The following MMP19 variants were observed in gnomAD, a reference collection of about 807,000 sequenced individuals.
MMP19 encodes matrix metallopeptidase 19, also known as matrix metalloproteinase-19.
A neutral mutation model predicts 46.6 loss-of-function variants in MMP19; 47 were observed. That is an observed-to-expected ratio of 1.01 (90% CI 0.80 to 1.29). The LOEUF (loss-of-function observed/expected upper bound fraction) is 1.29. MMP19 is among the 50% of genes most tolerant of loss of function. The probability of loss-of-function intolerance (pLI) is 0.00; values close to 1 mark genes in which losing one functional copy is unlikely to be tolerated. For missense variants in MMP19, 589 were observed against 643.5 expected, an observed-to-expected ratio of 0.92 and a Z score of 0.92; for synonymous variants, 222 against 248.5, an observed-to-expected ratio of 0.89 and a Z score of 1.00.
Position 55,837,074 on chromosome 12 carries a change from T to A in MMP19, c.1489A>T (p.Thr497Ser), listed in dbSNP as rs748472930. Residue 497 changes from threonine (T) to serine (S), a missense_variant, in exon 9 of 9, where the codon ACC becomes TCC. Physicochemically the swap from Thr to Ser is moderately conservative, Grantham distance 58. Transcript: ENST00000322569. Reference protein sequence around the residue: ...TPSGTGITLDTTLSATETTFE... With the variant: ...TPSGTGITLDSTLSATETTFE... Reference sequence around the variant, plus strand: ...GTGGTTTCTGTGGCTGAGAGAGTGGTATCCAAGGTTATGCCCGTACCTGAG... The same window carrying A: ...GTGGTTTCTGTGGCTGAGAGAGTGGAATCCAAGGTTATGCCCGTACCTGAG... 6.3e-7 allele frequency: 1 copy of A among 1,590,024 alleles called. No homozygotes were observed. Among genetic ancestry groups the A allele is most frequent in the Admixed American group, 1.7e-5 (1 of 58,228 alleles).
chr12:55,835,445 C>T lies in MMP19; in HGVS notation c.*1591G>A, dbSNP rs1448671594. The T allele has an allele frequency of 6.6e-6, 1 of 152,234 alleles. No individual in the cohort carries two copies. Among genetic ancestry groups the T allele is most frequent in the Admixed American group, 6.5e-5 (1 of 15,270 alleles). 9.4% of individuals were successfully genotyped at this position (152,234 alleles called of 1,614,324 possible). A position where few individuals can be genotyped will look rare whatever the true frequency, so the allele number is the denominator to read the frequency against. On this transcript the variant is annotated 3_prime_UTR_variant, in exon 9 of 9. Transcript: ENST00000322569. ...CACACACAGCTAATTTTTATGTATT[C>T]GTTTTTATTTTTTTGCAGAGACAGG...
rs780871824 is a variant in MMP19 at position 55,842,336 on chromosome 12, AC to A, written c.173+16del. ...TGAGACCTTAGCCCTAAAGGCATACACCTCATAGCTTCTCACCTCAGAGCCT... is the reference window on the plus strand; with the variant it reads ...TGAGACCTTAGCCCTAAAGGCATACACTCATAGCTTCTCACCTCAGAGCCT... On this transcript the variant is annotated intron_variant, in intron 2 of 8. Coordinates refer to ENST00000322569, the MANE Select transcript of MMP19 (RefSeq NM_002429.6). 1.0e-5 allele frequency: 16 copies of A among 1,604,218 alleles called. No individual in the cohort carries two copies. Among genetic ancestry groups the A allele is most frequent in the Non-Finnish European group, 1.2e-5 (14 of 1,171,132 alleles).
chr12:55,839,742 C>T lies in MMP19; in HGVS notation c.521-1G>A, dbSNP rs755576372. 1 of 1,608,850 alleles carries T rather than the reference C, an allele frequency of 6.2e-7. No homozygotes were observed. ...ATGTCGGCATGGGCCAGGACTCTCCCTGGACAAAGGCAAAGGTGAACAGGA... is the reference window on the plus strand; with the variant it reads ...ATGTCGGCATGGGCCAGGACTCTCCTTGGACAAAGGCAAAGGTGAACAGGA... On this transcript the variant is annotated splice_acceptor_variant, in intron 4 of 8. Coordinates refer to ENST00000322569, the MANE Select transcript of MMP19 (RefSeq NM_002429.6). LOFTEE classifies it high-confidence loss of function.
rs1881246802 is a variant in MMP19 at position 55,836,852 on chromosome 12, G to A, written c.*184C>T. On this transcript the variant is annotated 3_prime_UTR_variant, in exon 9 of 9. Coordinates refer to ENST00000322569, the MANE Select transcript of MMP19 (RefSeq NM_002429.6). ...GAAAATGCACAGGAAAGTGGTGGCT[G>A]GAGTTGGAAGTGTTAGAGGCCTGAG... The A allele has an allele frequency of 1.9e-6, 1 of 536,834 alleles. No individual in the cohort carries two copies. The highest frequency in any genetic ancestry group is 1.9e-5 in the African/African-American group (1 of 52,034). The allele number at this position is 536,834 out of a possible 1,614,324, so 33.3% of individuals were successfully genotyped here.
intron 1 of MMP19, 31 bp downstream of exon 1, chr12:55,842,713 C>T: frequency 1.3e-6 from 2 of 1,556,362 alleles, no homozygotes; most frequent in Non-Finnish European, 1.8e-6. Context: ...TGTCCCTCCG[C>T]TGGCCCAGGT....
In MMP19 at chr12:55,838,397, A is replaced by T. The variant is rs145561507; in HGVS notation, c.895+209T>A. The T allele has an allele frequency of 3.7e-5, 41 of 1,104,388 alleles. No homozygotes were observed. In the African/African-American group the frequency reaches 5.8e-4, roughly 16 times the overall value. 68.4% of individuals were successfully genotyped at this position (1,104,388 alleles called of 1,614,324 possible). A position where few individuals can be genotyped will look rare whatever the true frequency, so the allele number is the denominator to read the frequency against. ...GTTCTAGTGGCCCTTAGAGCGTGGC[A>T]GCCTTGGTAAGTGCCTGCCTAAGCC... On this transcript the variant is annotated intron_variant, in intron 6 of 8. Transcript: ENST00000322569.
Position 55,840,695 on chromosome 12 carries a change from C to A in MMP19, c.492G>T (p.Ser164=), listed in dbSNP as rs375168504. 6.2e-7 allele frequency: 1 copy of A among 1,613,760 alleles called. No individual in the cohort carries two copies. Among genetic ancestry groups the A allele is most frequent in the Non-Finnish European group, 8.5e-7 (1 of 1,179,954 alleles). Residue 164 remains serine, a synonymous_variant, in exon 4 of 9, where the codon TCG becomes TCT. Transcript: ENST00000322569. ...GCCCATCAAAAGTATTGGAACAGTACGAGCTTTGGCGGCCATGGAAGGAGA... is the reference window on the plus strand; with the variant it reads ...GCCCATCAAAAGTATTGGAACAGTAAGAGCTTTGGCGGCCATGGAAGGAGA... ...IRLSFHGRQS[S]YCSNTFDGPG...
At chr12:55,840,156 T>G (rs1268520143) in intron 4 of MMP19, 3 of 199,784 alleles carry the variant, frequency 1.5e-5, no homozygotes, top group Non-Finnish European at 3.1e-5. Flanking sequence ...CAAAACTTCA[T>G]CTCTACAAAA....
Position 55,839,567 on chromosome 12 carries a change from G to A in MMP19, c.695C>T (p.Pro232Leu), listed in dbSNP as rs943823010. 2.2e-5 allele frequency: 35 copies of A among 1,614,086 alleles called. No homozygotes were observed. The highest frequency in any genetic ancestry group is 2.9e-5 in the Non-Finnish European group (34 of 1,180,036). ...GTGGGGCCGGTAGCCCTCGTAGACT[G>A]GGGCCATGAGGGCCTGGGAATATCG... is the stretch of plus-strand genomic sequence containing the variant. ...HSRYSQALMA[P>L]VYEGYRPHFK... Residue 232 changes from proline (P) to leucine (L), a missense_variant, in exon 5 of 9, where the codon CCA becomes CTA. Transcript: ENST00000322569.
At position 55,837,757 on chromosome 12, in the gene MMP19, T is replaced by C; in HGVS notation, c.1061-75A>G. ...CTTTTGGTCTCCTCCGGTCCACCTA[T>C]TCAGAAACTTCTCATCTCCCTCCCT... On this transcript the variant is annotated intron_variant, in intron 7 of 8. Coordinates refer to ENST00000322569, the MANE Select transcript of MMP19 (RefSeq NM_002429.6). 3.1e-6 allele frequency: 5 copies of C among 1,602,052 alleles called. No homozygotes were observed. In the East Asian group the frequency reaches 6.7e-5, roughly 22 times the overall value.
Position 55,842,382 on chromosome 12 carries a change from G to T in MMP19, c.144C>A (p.Phe48Leu), listed in dbSNP as rs966086519. The T allele has an allele frequency of 5.6e-6, 9 of 1,613,818 alleles. No homozygotes were observed. In the African/African-American group the frequency reaches 1.2e-4, roughly 22 times the overall value. Reference protein sequence around the residue: ...LQKPLEGSNNFKPEDITEALR... With the variant: ...LQKPLEGSNNLKPEDITEALR... ...GAGCCTCGGTGATATCTTCTGGCTT[G>T]AAGTTATTAGATCCTTCTAGAGGCT... The change falls in exon 2 of 9, where the codon TTC (phenylalanine) becomes TTA (leucine). Residue 48 changes from phenylalanine to leucine, a missense_variant. Coordinates refer to ENST00000322569, the MANE Select transcript of MMP19 (RefSeq NM_002429.6).
chr12:55,842,767 C>A lies in MMP19; in HGVS notation c.64G>T (p.Gly22Trp). The A allele has an allele frequency of 6.2e-7, 1 of 1,607,080 alleles. No homozygotes were observed. The highest frequency in any genetic ancestry group is 2.2e-5 in the East Asian group (1 of 44,482). Residue 22 changes from glycine to tryptophan, a missense_variant, in exon 1 of 9, where the codon GGG becomes TGG. By Grantham distance (184) the Gly-to-Trp change is radical (BLOSUM62 -2). Coordinates refer to ENST00000322569, the MANE Select transcript of MMP19 (RefSeq NM_002429.6). ...LPMTVSGRVL[G>W]LAEVAPVDYL... ...ACCACAGGCGCCACCTCTGCAAGCC[C>A]CAGGACCCGGCCTGAGACTGTCATG...
At chr12:55,837,446 A>C (rs1327820950) in intron 8 of MMP19, 72 bp from the exon 9 acceptor site, 22 of 1,579,538 alleles carry the variant, frequency 1.4e-5, no homozygotes, top group East Asian at 1.3e-4. Flanking sequence ...GTCCACCCCC[A>C]GCCCACTGCA....
At chr12:55,840,421 AGAAG>A (rs1480818972) in intron 4 of MMP19, among the ~76,000 whole-genome samples, 5 of 105,268 alleles carry the variant, frequency 4.7e-5, no homozygotes, top group African/African-American at 3.7e-5. Flanking sequence ...AGGGAGGGAG[AGAAG>A]GAAGGGAGGG....
intron 6 of MMP19, 86 bp from the exon 7 acceptor site, chr12:55,838,093 T>C (rs1881393995): frequency 2.3e-6 from 3 of 1,310,820 alleles, no homozygotes; most frequent in Middle Eastern, 2.1e-4. Context: ...ACTAACAATT[T>C]GCCCTCTCCC....
Position 55,838,617 on chromosome 12 carries a change from G to A in MMP19, c.884C>T (p.Ala295Val). The A allele has an allele frequency of 2.5e-6, 4 of 1,614,210 alleles. No homozygotes were observed. Among genetic ancestry groups the A allele is most frequent in the Non-Finnish European group, 3.4e-6 (4 of 1,180,038 alleles). Residue 295 changes from alanine (A) to valine (V), a missense_variant, in exon 6 of 9, where the codon GCC becomes GTC. Transcript: ENST00000322569. ...GGGAGGGGCCTCACCCAGCATCATGGCATCCAGTTCACTACTGCAAGGGTC... is the reference window on the plus strand; with the variant it reads ...GGGAGGGGCCTCACCCAGCATCATGACATCCAGTTCACTACTGCAAGGGTC... ...MPDPCSSELD[A>V]MMLGPRGKTY...
chr12:55,838,456 T>A, intron 6 of MMP19, 150 bp downstream of exon 6: 1 of 1,585,712 alleles, frequency 6.3e-7, no homozygotes. Context: ...TCCCTCCCCA[T>A]GTCACATGTC....
chr12:55,840,567 T>C (rs753593020), intron 4 of MMP19, 100 bp downstream of exon 4: 34 of 1,254,998 alleles, frequency 2.7e-5, no homozygotes, highest in Non-Finnish European at 3.5e-5. Context: ...GCAGGTGGGA[T>C]AAAGAGCAGC....
At chr12:55,839,074 T>C (rs1456813724) in intron 5 of MMP19, among the ~76,000 whole-genome samples, 3 of 151,850 alleles carry the variant, frequency 2.0e-5, no homozygotes, top group Non-Finnish European at 4.4e-5. Flanking sequence ...ACCCCATCTC[T>C]ACTAAAATAC....
Sources: gnomAD v4.1 joint callset for allele counts (sites outside exome capture counted in the v4.1 genomes callset) on GRCh38, gnomAD v4.1.1 for gene constraint, MANE v1.5 for transcripts, NCBI Gene and HGNC (gene_info 2026-07-23, HGNC 2026-07-21) for gene names.